RIN2: variants seen among roughly 807,000 people sequenced by gnomAD.
RIN2 encodes the protein RAB5 interacting protein 2.
In RIN2, 36 loss-of-function variants were observed where a neutral mutation model predicts 78.0. The observed-to-expected ratio is 0.46, with a 90% confidence interval of 0.35 to 0.61. The LOEUF (loss-of-function observed/expected upper bound fraction) is 0.61. Ranked by LOEUF, RIN2 falls within the 20% of genes least tolerant of loss-of-function variation. RIN2 has a pLI of 0.00. For missense variants in RIN2, 1,087 were observed against 1,159.7 expected, an observed-to-expected ratio of 0.94 and a Z score of 0.91; for synonymous variants, 466 against 466.8, an observed-to-expected ratio of 1.00 and a Z score of 0.02.
At chr20:19,925,433 T>C (rs1600827440) in intron 3 of RIN2, among the ~76,000 whole-genome samples, 2 of 152,348 alleles carry the variant, frequency 1.3e-5, no homozygotes, top group South Asian at 2.1e-4. Flanking sequence ...AATGGCCATA[T>C]TGAAAACTTG....
chr20:19,983,840 A>G (rs2042539705), intron 9 of RIN2, among the ~76,000 whole-genome samples: 1 of 151,814 alleles, frequency 6.6e-6, no homozygotes, highest in African/African-American at 2.4e-5. Context: ...CCCTAACCTC[A>G]TGTTGTATCT....
intron 3 of RIN2, among the ~76,000 whole-genome samples, chr20:19,922,599 C>T (rs1434634114): frequency 6.6e-6 from 1 of 152,162 alleles, no homozygotes; most frequent in Non-Finnish European, 1.5e-5. Context: ...GGAGGTAGCA[C>T]CACTCAGTAG....
chr20:19,759,484 C>T (rs1225149537), intron 1 of RIN2, among the ~76,000 whole-genome samples: 2 of 152,284 alleles, frequency 1.3e-5, no homozygotes, highest in South Asian at 2.1e-4. Flanking sequence ...TATTTTAATA[C>T]AATCTTTTTA....
At chr20:19,834,265 C>T (rs540878098) in intron 2 of RIN2, among the ~76,000 whole-genome samples, 1 of 152,290 alleles carries the variant, frequency 6.6e-6, no homozygotes, top group South Asian at 2.1e-4. Flanking sequence ...AAATTCACAT[C>T]CCCTCATTCA....
chr20:19,770,946 T>TG (rs1340502866), intron 1 of RIN2, among the ~76,000 whole-genome samples: 200 of 145,736 alleles, frequency 1.4e-3, no homozygotes, highest in African/African-American at 4.7e-3. Context: ...CGGCATCAAG[T>TG]GGGGGTTCCC....
intron 4 of RIN2, among the ~76,000 whole-genome samples, chr20:19,943,545 G>A (rs1443189651): frequency 6.6e-6 from 1 of 152,118 alleles, no homozygotes. Context: ...CCCCAAATAT[G>A]CTAGTGATTC....
intron 4 of RIN2, 23 bp from the exon 5 acceptor site, chr20:19,956,592 C>T (rs370337961): frequency 3.4e-5 from 55 of 1,607,696 alleles, no homozygotes; most frequent in Non-Finnish European, 4.3e-5. Context: ...GCCAGCTGAC[C>T]GTGCCGCTTC....
chr20:19,852,468 C>T (rs1363424695), intron 2 of RIN2, among the ~76,000 whole-genome samples: 1 of 152,190 alleles, frequency 6.6e-6, no homozygotes, highest in Non-Finnish European at 1.5e-5. Flanking sequence ...TGTAGAACAT[C>T]AAGTCATAAT....
At chr20:19,772,641 C>T (rs901420567) in intron 1 of RIN2, among the ~76,000 whole-genome samples, 4 of 152,184 alleles carry the variant, frequency 2.6e-5, no homozygotes, top group African/African-American at 9.6e-5. Context: ...AAAAGGGTCC[C>T]GGCACTGCCT....
chr20:19,986,626 C>T (rs535462784), intron 9 of RIN2, among the ~76,000 whole-genome samples: 5 of 152,210 alleles, frequency 3.3e-5, no homozygotes, highest in South Asian at 2.1e-4. Flanking sequence ...TTGCTAGTAA[C>T]GACTTTTCTG....
At chr20:19,895,189 T>G (rs1015735097) in intron 3 of RIN2, among the ~76,000 whole-genome samples, 2 of 152,174 alleles carry the variant, frequency 1.3e-5, no homozygotes, top group Non-Finnish European at 2.9e-5. Context: ...GTGGGAGAAA[T>G]GTTATGTATG....
At chr20:19,866,466 C>T (rs1030237920) in intron 2 of RIN2, among the ~76,000 whole-genome samples, 2 of 152,084 alleles carry the variant, frequency 1.3e-5, no homozygotes, top group Non-Finnish European at 2.9e-5. Context: ...CTGGGGAGTG[C>T]AGAGAGACAT....
intron 1 of RIN2, among the ~76,000 whole-genome samples, chr20:19,777,654 C>A (rs2034357065): frequency 6.6e-6 from 1 of 152,228 alleles, no homozygotes; most frequent in Admixed American, 6.5e-5. Flanking sequence ...AGTTTGTATT[C>A]ATTTCTGGCT....
intron 2 of RIN2, among the ~76,000 whole-genome samples, chr20:19,841,442 T>C (rs937537060): frequency 5.9e-5 from 9 of 152,102 alleles, no homozygotes; most frequent in African/African-American, 2.2e-4. Flanking sequence ...TGCCAGCTTA[T>C]GGAATTAAAA....
At chr20:19,780,543 C>T (rs2034467186) in intron 1 of RIN2, among the ~76,000 whole-genome samples, 1 of 152,100 alleles carries the variant, frequency 6.6e-6, no homozygotes, top group African/African-American at 2.4e-5. Context: ...TCAAGGGTCT[C>T]ACCATGAGTC....
At chr20:19,808,840 C>G (rs972471821) in intron 2 of RIN2, among the ~76,000 whole-genome samples, 2 of 152,202 alleles carry the variant, frequency 1.3e-5, no homozygotes, top group African/African-American at 4.8e-5. Context: ...CCTGGGTGAT[C>G]TGGACATGCA....
intron 2 of RIN2, among the ~76,000 whole-genome samples, chr20:19,804,024 T>C: frequency 6.6e-6 from 1 of 152,230 alleles, no homozygotes; most frequent in East Asian, 1.9e-4. Flanking sequence ...ATAGCAATGC[T>C]TGCGATTTTC....
chr20:19,948,805 T>A (rs1351727180), intron 4 of RIN2, among the ~76,000 whole-genome samples: 3 of 151,848 alleles, frequency 2.0e-5, no homozygotes, highest in Admixed American at 6.6e-5. Context: ...ATTTTAATTT[T>A]ATTTATTTAT....
intron 7 of RIN2, among the ~76,000 whole-genome samples, chr20:19,968,460 C>T (rs1461436805): frequency 4.6e-5 from 7 of 151,906 alleles, no homozygotes; most frequent in African/African-American, 7.3e-5. Flanking sequence ...AGTGTGTGTG[C>T]GTGTGCATGC....
Sources: gnomAD v4.1 joint callset for allele counts (sites outside exome capture counted in the v4.1 genomes callset) on GRCh38, gnomAD v4.1.1 for gene constraint, MANE v1.5 for transcripts, NCBI Gene and HGNC (gene_info 2026-07-23, HGNC 2026-07-21) for gene names.